Variants in HCFC2 observed in about 807,000 individuals in gnomAD.
HCFC2 encodes host cell factor C2.
Under a neutral mutation model 89.2 loss-of-function variants are expected in HCFC2, and 18 were observed. The observed-to-expected ratio is 0.20, with a 90% CI of 0.14 to 0.30. The LOEUF (loss-of-function observed/expected upper bound fraction) is 0.30, where lower values mean the gene tolerates loss of function less well. HCFC2 is among the 10% of genes least tolerant of loss of function. The probability of loss-of-function intolerance (pLI) is 1.00; values close to 1 mark genes in which losing one functional copy is unlikely to be tolerated. For missense variants in HCFC2, 578 were observed against 956.1 expected (o/e 0.60, Z 5.21); for synonymous variants, 308 against 335.7 (o/e 0.92, Z 0.90).
At position 104,105,530 on chromosome 12, in the gene HCFC2, A is replaced by T. The variant is rs1045571769; in HGVS notation, c.*2257A>T. The T allele has an allele frequency of 1.3e-5, 2 of 151,046 alleles. No individual in the cohort carries two copies. Among genetic ancestry groups the T allele is most frequent in the East Asian group, 3.9e-4 (2 of 5,148 alleles). The allele number at this position is 151,046 out of a possible 1,614,324, so 9.4% of individuals were successfully genotyped here. A position where few individuals can be genotyped will look rare whatever the true frequency, so the allele number is the denominator to read the frequency against. Reference sequence around the variant, plus strand: ...AAGAGAAGTCTTTCTATACTGAGGGATTTGTTAAAATCATAAATGTTTTTG... The same window carrying T: ...AAGAGAAGTCTTTCTATACTGAGGGTTTTGTTAAAATCATAAATGTTTTTG... On this transcript the variant is annotated 3_prime_UTR_variant, in exon 15 of 15. Coordinates refer to ENST00000229330, the MANE Select transcript of HCFC2 (RefSeq NM_013320.3).
Position 104,097,384 on chromosome 12 carries a change from A to G in HCFC2, c.1740+951A>G, listed in dbSNP as rs558618978. Among the ~76,000 whole-genome samples, 6 of 152,266 alleles carry G rather than the reference A, an allele frequency of 3.9e-5. No homozygotes were observed. The East Asian group carries it at 1.2e-3, about 29-fold the overall frequency. On this transcript the variant is annotated intron_variant, in intron 12 of 14. Transcript: ENST00000229330. ...TTTTTTCTCTTGAGTCTGTTTTGCC[A>G]TGCATCAGCCAGAATTGTATTTGTT...
intron 3 of HCFC2, among the ~76,000 whole-genome samples, chr12:104,077,550 GTT>G (rs202233502): frequency 6.0e-4 from 80 of 133,398 alleles, no homozygotes; most frequent in Non-Finnish European, 8.8e-4. Flanking sequence ...CCCCTGGCCT[GTT>G]TTTTTTTTTT....
intron 3 of HCFC2, among the ~76,000 whole-genome samples, chr12:104,076,127 T>C (rs182200071): frequency 1.5e-4 from 23 of 152,364 alleles, no homozygotes. Context: ...GTTCTTTGTC[T>C]ATTAAATCAA....
Position 104,093,552 on chromosome 12 carries a change from G to C in HCFC2, c.1451G>C (p.Arg484Thr). 2 of 1,606,168 alleles carry C rather than the reference G, an allele frequency of 1.2e-6. No individual in the cohort carries two copies. Among genetic ancestry groups the C allele is most frequent in the Admixed American group, 1.7e-5 (1 of 58,120 alleles). Reference sequence around the variant, plus strand: ...AATAGTCATGTGGTGGATATGCTAAGGAAAAATGAAGGTATATGGATGACA... The same window carrying C: ...AATAGTCATGTGGTGGATATGCTAACGAAAAATGAAGGTATATGGATGACA... ...NHNSHVVDML[R>T]KNEGPHTSAN... The change falls in exon 10 of 15, where the codon AGG (arginine) becomes ACG (threonine). Residue 484 changes from arginine to threonine, a missense_variant. Physicochemically the swap from Arg to Thr is moderately conservative, Grantham distance 71. Transcript: ENST00000229330.
In HCFC2 at chr12:104,087,145, A is replaced by G. The variant is rs951165807; in HGVS notation, c.1231+131A>G. On this transcript the variant is annotated intron_variant, in intron 8 of 14. Coordinates refer to ENST00000229330, the MANE Select transcript of HCFC2 (RefSeq NM_013320.3). Reference sequence around the variant, plus strand: ...TGAGGCAGGTGGATCACCTGAGGTCAGGAGTTTGAGACCAGCCTGGTCAAC... The same window carrying G: ...TGAGGCAGGTGGATCACCTGAGGTCGGGAGTTTGAGACCAGCCTGGTCAAC... 9 of 757,526 alleles carry G rather than the reference A, an allele frequency of 1.2e-5. No homozygotes were observed. The Admixed American group carries it at 1.6e-4, about 14-fold the overall frequency. The allele number at this position is 757,526 out of a possible 1,614,324, so 46.9% of individuals were successfully genotyped here.
chr12:104,101,312 C>T (rs905515397), intron 13 of HCFC2, among the ~76,000 whole-genome samples: 3 of 152,070 alleles, frequency 2.0e-5, no homozygotes, highest in Non-Finnish European at 2.9e-5. Context: ...GGCGAAACCC[C>T]GTCTCTACTG....
chr12:104,082,632 G>T, intron 6 of HCFC2, 26 bp downstream of exon 6: 1 of 1,571,550 alleles, frequency 6.4e-7, no homozygotes. Flanking sequence ...GTTACTCATT[G>T]AATTAATCTT....
chr12:104,097,300 A>G (rs975758207), intron 12 of HCFC2, among the ~76,000 whole-genome samples: 1 of 151,990 alleles, frequency 6.6e-6, no homozygotes, highest in African/African-American at 2.4e-5. Context: ...TCATCTTTCC[A>G]GAATGTTAAG....
chr12:104,083,544 G>A (rs958662600), intron 7 of HCFC2, among the ~76,000 whole-genome samples: 1 of 152,114 alleles, frequency 6.6e-6, no homozygotes, highest in Non-Finnish European at 1.5e-5. Flanking sequence ...AAAAACTGGT[G>A]AAATCTGAGT....
At chr12:104,102,210 T>G (rs2029961503) in intron 14 of HCFC2, 57 bp downstream of exon 14, 1 of 1,413,478 alleles carries the variant, frequency 7.1e-7, no homozygotes, top group Non-Finnish European at 9.7e-7. Flanking sequence ...ATTTCACATG[T>G]GAAGTAAACT....
chr12:104,099,862 G>T (rs2029882557), intron 13 of HCFC2, among the ~76,000 whole-genome samples: 1 of 152,162 alleles, frequency 6.6e-6, no homozygotes, highest in South Asian at 2.1e-4. Context: ...TCACCATGTT[G>T]CCCAGGTTGG....
chr12:104,085,401 T>C (rs1566231358), intron 7 of HCFC2, among the ~76,000 whole-genome samples: 1 of 152,188 alleles, frequency 6.6e-6, no homozygotes, highest in Non-Finnish European at 1.5e-5. Context: ...AATTATTAAC[T>C]AAAGTCTAAG....
At chr12:104,067,881 C>A in intron 2 of HCFC2, 66 bp from the exon 3 acceptor site, 1 of 1,413,274 alleles carries the variant, frequency 7.1e-7, no homozygotes, top group Non-Finnish European at 9.4e-7. Flanking sequence ...TGATGTTGCA[C>A]TATTGACAAT....
chr12:104,095,369 C>A lies in HCFC2; in HGVS notation c.1472C>A (p.Thr491Asn), dbSNP rs780715408. The part of the protein sequence containing the change: ...DMLRKNEGPH[T>N]SANVGVLSSC... ...TTCCCTTTTATTTTAGGTCCTCACA[C>A]TTCAGCAAATGTAGGTGTTCTAAGT... The change falls in exon 11 of 15, where the codon ACT becomes AAT. Residue 491 changes from threonine (T) to asparagine (N), a missense_variant. Coordinates refer to ENST00000229330, the MANE Select transcript of HCFC2 (RefSeq NM_013320.3). The surrounding 1 kb of genome is among the most constrained non-coding windows in gnomAD (Gnocchi z 4.2). 1.9e-6 allele frequency: 3 copies of A among 1,612,532 alleles called. No homozygotes were observed. Among genetic ancestry groups the A allele is most frequent in the East Asian group, 4.5e-5 (2 of 44,786 alleles).
At chr12:104,102,680 G>C (rs1047390543) in intron 14 of HCFC2, among the ~76,000 whole-genome samples, 38 of 152,124 alleles carry the variant, frequency 2.5e-4, no homozygotes, top group African/African-American at 8.7e-4. Flanking sequence ...CTAATGTCCT[G>C]TCCCTCCCTA....
intron 12 of HCFC2, chr12:104,097,807 T>C: frequency 5.8e-6 from 1 of 173,706 alleles, no homozygotes; most frequent in Non-Finnish European, 1.1e-5. Context: ...TACTCCTCTT[T>C]AGTATATACC....
intron 3 of HCFC2, among the ~76,000 whole-genome samples, chr12:104,075,894 TGC>T: frequency 6.6e-6 from 1 of 152,252 alleles, no homozygotes; most frequent in Non-Finnish European, 1.5e-5. Flanking sequence ...TGATACATAC[TGC>T]TTTTATTGTC....
intron 14 of HCFC2, 56 bp downstream of exon 14, chr12:104,102,209 G>T: frequency 6.9e-7 from 1 of 1,456,708 alleles, no homozygotes; most frequent in South Asian, 1.3e-5. Context: ...AATTTCACAT[G>T]TGAAGTAAAC....
rs2029999754 is a variant in HCFC2, at chr12:104,103,103, CT to C, written c.2211del (p.Lys738ArgfsTer5). The C allele has an allele frequency of 6.2e-7, 1 of 1,614,064 alleles. No individual in the cohort carries two copies. Among genetic ancestry groups the C allele is most frequent in the Non-Finnish European group, 8.5e-7 (1 of 1,179,962 alleles). On this transcript the variant is annotated frameshift_variant, in exon 15 of 15. Coordinates refer to ENST00000229330, the MANE Select transcript of HCFC2 (RefSeq NM_013320.3). LOFTEE classifies it high-confidence loss of function. Reference sequence around the variant, plus strand: ...TGTGTTCATGAGGATTTATTGTGGTCTTAAGACATCATGTATAGTAACTGCT... The same window carrying C: ...TGTGTTCATGAGGATTTATTGTGGTCTAAGACATCATGTATAGTAACTGCT... The part of the protein sequence containing the change: ...QLVFMRIYCG[L>X]KTSCIVTAGQ...
Sources: allele counts gnomAD v4.1 joint callset (sites outside exome capture counted in the v4.1 genomes callset), GRCh38; gene constraint gnomAD v4.1.1; non-coding constraint Gnocchi (gnomAD v3.1); transcripts MANE v1.5; gene names NCBI Gene and HGNC (gene_info 2026-07-23, HGNC 2026-07-21).